SRRM1: variants seen among roughly 807,000 people sequenced by gnomAD.
SRRM1 encodes serine and arginine repetitive matrix 1, also known as serine/arginine repetitive matrix protein 1.
Under a neutral mutation model 110.2 loss-of-function variants are expected in SRRM1, and 19 were observed. The ratio of observed to expected loss-of-function variants is 0.17; its 90% CI spans 0.12 to 0.25. SRRM1 has a LOEUF of 0.25. Among genes scored for constraint, SRRM1 ranks in the 10% least tolerant of loss-of-function variants. SRRM1 has a pLI of 1.00. For synonymous variants in SRRM1, 443 were observed against 414.9 expected (o/e 1.07, Z -0.82); for missense variants, 918 against 1,145.8 (o/e 0.80, Z 2.87).
intron 16 of SRRM1, 115 bp downstream of exon 16, chr1:24,671,710 A>G (rs772163251): frequency 3.3e-6 from 3 of 916,164 alleles, no homozygotes; most frequent in Non-Finnish European, 5.0e-6. Flanking sequence ...TTACTCTGAG[A>G]TAAAAGTCAC....
chr1:24,650,200 A>G (rs1659819096), intron 5 of SRRM1, 114 bp downstream of exon 5: 11 of 1,031,614 alleles, frequency 1.1e-5, no homozygotes, highest in Non-Finnish European at 1.4e-5. Context: ...TCCATCATGC[A>G]GTTTTCATGG....
intron 9 of SRRM1, among the ~76,000 whole-genome samples, chr1:24,658,208 A>T (rs1022538491): frequency 3.6e-5 from 5 of 137,514 alleles, no homozygotes; most frequent in East Asian, 2.0e-4. Context: ...GATGGTATAA[A>T]TTTTTTTTTT....
chr1:24,665,900 A>T (rs1402148083), intron 12 of SRRM1, among the ~76,000 whole-genome samples: 1 of 152,234 alleles, frequency 6.6e-6, no homozygotes, highest in Non-Finnish European at 1.5e-5. Flanking sequence ...ATAATTCCAG[A>T]TTCACAGGAA....
intron 10 of SRRM1, chr1:24,661,066 C>T (rs1666995981): frequency 1.9e-6 from 1 of 528,044 alleles, no homozygotes. Flanking sequence ...ACTGTATCTG[C>T]TTGTAAAATG....
chr1:24,651,827 G>A (rs748663342), intron 6 of SRRM1, among the ~76,000 whole-genome samples: 7 of 151,418 alleles, frequency 4.6e-5, no homozygotes, highest in Non-Finnish European at 8.8e-5. Flanking sequence ...ATTGTTTCAG[G>A]TATTTTATAT....
rs138615479 is a variant in SRRM1, at chr1:24,671,324, G to A, written c.2401-62G>A. On this transcript the variant is annotated intron_variant, in intron 15 of 16. Transcript: ENST00000323848. Reference sequence around the variant, plus strand: ...GGGATTTGAGGAAATAAAATGTTCAGTTGGACAGAATATTAATCAGATTGA... The same window carrying A: ...GGGATTTGAGGAAATAAAATGTTCAATTGGACAGAATATTAATCAGATTGA... The A allele has an allele frequency of 7.7e-4, 1,124 of 1,463,164 alleles. 1 individual carries two copies. In the African/African-American group the frequency reaches 0.011, roughly 14 times the overall value. 90.6% of individuals were successfully genotyped at this position (1,463,164 alleles called of 1,614,324 possible).
At chr1:24,646,953 T>C (rs1288239413) in intron 3 of SRRM1, 164 bp downstream of exon 3, 25 of 513,220 alleles carry the variant, frequency 4.9e-5, no homozygotes, top group Non-Finnish European at 6.5e-5. Flanking sequence ...GGAAGTTTAG[T>C]GAAGGTGCAT....
chr1:24,660,844 G>T, intron 10 of SRRM1, 45 bp downstream of exon 10: 1 of 1,411,192 alleles, frequency 7.1e-7, no homozygotes, highest in Non-Finnish European at 9.8e-7. Context: ...GTTTGTTTTT[G>T]TTTTTCTTAA....
chr1:24,655,006 A>G lies in SRRM1; in HGVS notation c.1192A>G (p.Arg398Gly). ...TCCTTCAGCAAGTCCTCCAAGGCGA[A>G]GGCACAGGCCATCACCTCCTGCAAC... is the stretch of plus-strand genomic sequence containing the variant. ...LSPSASPPRR[R>G]HRPSPPATPP... The change falls in exon 9 of 17, where the codon AGG becomes GGG. Residue 398 changes from arginine (R) to glycine (G), a missense_variant. By Grantham distance (125) the Arg-to-Gly change is moderately radical (BLOSUM62 -2). Around this residue, in one of 5 missense-constraint regions of SRRM1, gnomAD observed 456 missense variants for 453.5 expected, o/e 1.01. Coordinates refer to ENST00000323848, the MANE Select transcript of SRRM1 (RefSeq NM_005839.4). 1.2e-6 allele frequency: 2 copies of G among 1,614,204 alleles called. No individual in the cohort carries two copies. The highest frequency in any genetic ancestry group is 8.5e-7 in the Non-Finnish European group (1 of 1,180,034).
Position 24,661,415 on chromosome 1 carries a change from G to A in SRRM1, c.1483+19G>A, listed in dbSNP as rs1486008956. ...TCATCTGGTATGGATGGTGATGAAA[G>A]TTTTTTTTCTACCTGTATTTCCTAT... On this transcript the variant is annotated intron_variant, in intron 11 of 16. Coordinates refer to ENST00000323848, the MANE Select transcript of SRRM1 (RefSeq NM_005839.4). 6.3e-7 allele frequency: 1 copy of A among 1,586,902 alleles called. No individual in the cohort carries two copies.
rs763486776 is a variant in SRRM1 at position 24,669,411 on chromosome 1, A to C, written c.2028A>C (p.Pro676=). ...GCTCTACCCGGGAGGCCCGATCACCACAACCAAACAAACGGCATTCGCCCT... is the reference window on the plus strand; with the variant it reads ...GCTCTACCCGGGAGGCCCGATCACCCCAACCAAACAAACGGCATTCGCCCT... ...PSRSTREARS[P]QPNKRHSPSP... The change falls in exon 14 of 17, where the codon CCA becomes CCC. Residue 676 remains proline (P), a synonymous_variant. Coordinates refer to ENST00000323848, the MANE Select transcript of SRRM1 (RefSeq NM_005839.4). The C allele has an allele frequency of 3.1e-6, 5 of 1,614,124 alleles. No individual in the cohort carries two copies. Among genetic ancestry groups the C allele is most frequent in the Non-Finnish European group, 4.2e-6 (5 of 1,180,016 alleles).
Position 24,673,075 on chromosome 1 carries a change from T to C in SRRM1, c.*789T>C, listed in dbSNP as rs1673376297. The C allele has an allele frequency of 6.6e-6, 1 of 152,268 alleles. No homozygotes were observed. Among genetic ancestry groups the C allele is most frequent in the Non-Finnish European group, 1.5e-5 (1 of 68,052 alleles). The allele number at this position is 152,268 out of a possible 1,614,324, so 9.4% of individuals were successfully genotyped here. A position where few individuals can be genotyped will look rare whatever the true frequency, so the allele number is the denominator to read the frequency against. On this transcript the variant is annotated 3_prime_UTR_variant, in exon 17 of 17. Transcript: ENST00000323848. Reference sequence around the variant, plus strand: ...AAATGTCATGGCTCTGTTCATATTTTTGTCTTGTTCTTCCAATTGGTATAT... The same window carrying C: ...AAATGTCATGGCTCTGTTCATATTTCTGTCTTGTTCTTCCAATTGGTATAT...
chr1:24,651,287 A>T (rs1193354087), intron 5 of SRRM1, 122 bp from the exon 6 acceptor site: 2 of 764,870 alleles, frequency 2.6e-6, no homozygotes, highest in Non-Finnish European at 4.2e-6. Context: ...TCTTATTTCC[A>T]TAGGGAAACA....
At chr1:24,651,733 ATTAG>A (rs1660771720) in intron 6 of SRRM1, 121 bp downstream of exon 6, 1 of 873,230 alleles carries the variant, frequency 1.1e-6, no homozygotes, top group Non-Finnish European at 1.7e-6. Flanking sequence ...AAATTATAAA[ATTAG>A]TTTGTTGAAA....
chr1:24,650,288 G>A (rs576385473), intron 5 of SRRM1, among the ~76,000 whole-genome samples: 4 of 152,260 alleles, frequency 2.6e-5, no homozygotes, highest in African/African-American at 4.8e-5. Flanking sequence ...TGAGTGTCTC[G>A]CAGATGTTCA....
At chr1:24,669,662 A>T in intron 14 of SRRM1, 75 bp downstream of exon 14, 4 of 1,101,464 alleles carry the variant, frequency 3.6e-6, no homozygotes, top group Non-Finnish European at 3.9e-6. Flanking sequence ...CCCCACCCCC[A>T]TATAAAAGGA....
At position 24,672,151 on chromosome 1, in the gene SRRM1, G is replaced by A. The variant is rs1226981950; in HGVS notation, c.2611-31G>A. On this transcript the variant is annotated intron_variant, in intron 16 of 16. Coordinates refer to ENST00000323848, the MANE Select transcript of SRRM1 (RefSeq NM_005839.4). ...TCGGCATTTCCCACCAGGGTCTCAA[G>A]ACTTAACCGTGTAAATTCTGTTTTT... 16 of 1,547,910 alleles carry A rather than the reference G, an allele frequency of 1.0e-5. No individual in the cohort carries two copies. In the East Asian group the frequency reaches 3.4e-4, roughly 33 times the overall value.
rs376802190 is a variant in SRRM1, at chr1:24,651,881, G to A, written c.725+269G>A. On this transcript the variant is annotated intron_variant, in intron 6 of 16. Transcript: ENST00000323848. ...TCCTCAACGTATTGTGGACAACTTC[G>A]CACTTTTAAGAAATGTATGTGGTTG... Among the ~76,000 whole-genome samples, 6 of 150,730 alleles carry A rather than the reference G, an allele frequency of 4.0e-5. No individual in the cohort carries two copies. In the South Asian group the frequency reaches 6.3e-4, roughly 16 times the overall value.
At position 24,666,878 on chromosome 1, in the gene SRRM1, C is replaced by A; in HGVS notation, c.1692C>A (p.Ala564=). 1.9e-6 allele frequency: 3 copies of A among 1,612,382 alleles called. No homozygotes were observed. The highest frequency in any genetic ancestry group is 2.5e-6 in the Non-Finnish European group (3 of 1,179,442). The change falls in exon 13 of 17, where the codon GCC becomes GCA. Residue 564 remains alanine, a synonymous_variant. Coordinates refer to ENST00000323848, the MANE Select transcript of SRRM1 (RefSeq NM_005839.4). The part of the protein sequence containing the change: ...PTRRRRSPSP[A]PPPRRRRTPT... The stretch of plus-strand genomic sequence containing the variant: ...GAAGGCGACGGTCTCCTTCTCCCGC[C>A]CCTCCTCCTCGACGGCGCAGGACTC...
Sources: gnomAD v4.1 joint callset for allele counts (sites outside exome capture counted in the v4.1 genomes callset) on GRCh38, gnomAD v4.1.1 for gene constraint, gnomAD v4.1.1 regional missense constraint, MANE v1.5 for transcripts, NCBI Gene and HGNC (gene_info 2026-07-23, HGNC 2026-07-21) for gene names.